The following FAM184A variants were observed in gnomAD, a reference collection of about 807,000 sequenced individuals.
FAM184A encodes the protein protein FAM184A.
FAM184A carries 99 observed loss-of-function variants against 143.8 expected under a neutral mutation model. The observed-to-expected ratio is 0.69, with a 90% CI of 0.58 to 0.81. The LOEUF (loss-of-function observed/expected upper bound fraction) is 0.81. FAM184A is among the 40% of genes least tolerant of loss of function. FAM184A has a pLI of 0.00. For missense variants in FAM184A, 1,217 were observed against 1,310.5 expected, an observed-to-expected ratio of 0.93 and a Z score of 1.10; for synonymous variants, 427 against 446.4, an observed-to-expected ratio of 0.96 and a Z score of 0.55.
chr6:119,148,123 C>A (rs1301654951), intron 1 of FAM184A, among the ~76,000 whole-genome samples: 2 of 152,096 alleles, frequency 1.3e-5, no homozygotes, highest in African/African-American at 4.8e-5. Context: ...AAACTCCATA[C>A]CTCAACTTCT....
At chr6:119,091,407 A>G (rs1788363473) in intron 1 of FAM184A, among the ~76,000 whole-genome samples, 3 of 152,156 alleles carry the variant, frequency 2.0e-5, no homozygotes, top group Non-Finnish European at 4.4e-5. Context: ...AATCCTAATC[A>G]TGCAGAGTAT....
chr6:119,084,254 A>G lies in FAM184A; in HGVS notation c.-201-59441T>C, dbSNP rs576934456. On this transcript the variant is annotated intron_variant, in intron 1 of 16. Coordinates refer to the FAM184A transcript ENST00000352896. The stretch of plus-strand genomic sequence containing the variant: ...CACATAGGGATTACAATTCAAGATG[A>G]GATTTGAGTGGGGACCCAGAGCCAA... Among the ~76,000 whole-genome samples the G allele has an allele frequency of 8.5e-5, 13 of 152,312 alleles. No homozygotes were observed. The South Asian group carries it at 2.7e-3, about 32-fold the overall frequency.
Position 119,131,534 on chromosome 6 carries a change from G to A in FAM184A, c.-202+17544C>T, listed in dbSNP as rs957493743. Among the ~76,000 whole-genome samples, 6 of 152,084 alleles carry A rather than the reference G, an allele frequency of 3.9e-5. No homozygotes were observed. The East Asian group carries it at 9.7e-4, about 25-fold the overall frequency. ...AGGGTCTTGCTCTATTGCCCAGGCT[G>A]GAATGCAGTGGTGTGATCACGGCTC... is the stretch of plus-strand genomic sequence containing the variant. On this transcript the variant is annotated intron_variant, in intron 1 of 16. Coordinates refer to the FAM184A transcript ENST00000352896.
chr6:118,997,459 G>A (rs1784607526), intron 9 of FAM184A, among the ~76,000 whole-genome samples: 2 of 152,146 alleles, frequency 1.3e-5, no homozygotes, highest in African/African-American at 4.8e-5. Context: ...GGAGGCCGAA[G>A]CAGGTGGATC....
intron 9 of FAM184A, among the ~76,000 whole-genome samples, chr6:118,997,324 C>CAAA (rs11345478): frequency 8.9e-6 from 1 of 111,928 alleles, no homozygotes; most frequent in Non-Finnish European, 1.8e-5. Context: ...AACTCCATCT[C>CAAA]AAAAAAAAAA....
intron 1 of FAM184A, among the ~76,000 whole-genome samples, chr6:119,120,151 C>T (rs9481884): frequency 0.072 from 10,923 of 152,274 alleles, 856 homozygotes; most frequent in Admixed American, 0.2. Context: ...AGAAACCCTG[C>T]ACCCATTTGC....
intron 1 of FAM184A, among the ~76,000 whole-genome samples, chr6:119,142,565 C>T (rs958317301): frequency 5.9e-5 from 9 of 152,132 alleles, no homozygotes; most frequent in Admixed American, 2.0e-4. Context: ...TTTAACATCG[C>T]GAGTCAAGCA....
At chr6:119,006,686 T>G (rs994790661) in intron 6 of FAM184A, 78 bp from the exon 7 acceptor site, 14 of 1,191,796 alleles carry the variant, frequency 1.2e-5, no homozygotes, top group African/African-American at 3.1e-5. Flanking sequence ...CTTCCTAAAG[T>G]TTTTTATTTA....
At chr6:119,100,575 G>A (rs1335484954) in intron 1 of FAM184A, among the ~76,000 whole-genome samples, 1 of 151,656 alleles carries the variant, frequency 6.6e-6, no homozygotes, top group Non-Finnish European at 1.5e-5. Context: ...ACATTAGCTA[G>A]TCAAACATTT....
chr6:118,970,008 A>ATATATATATATATATATATATATTT, intron 14 of FAM184A, among the ~76,000 whole-genome samples: 18 of 19,022 alleles, frequency 9.5e-4, no homozygotes, highest in Admixed American at 2.3e-3. Flanking sequence ...ATATATATAT[A>ATATATATATATATATATATATATTT]TTTTTTTTTT....
At chr6:119,039,386 G>A (rs984887672) in intron 1 of FAM184A, among the ~76,000 whole-genome samples, 2 of 152,178 alleles carry the variant, frequency 1.3e-5, no homozygotes, top group African/African-American at 2.4e-5. Flanking sequence ...AAAGTAAGGC[G>A]TCCTTCAGTA....
intron 3 of FAM184A, among the ~76,000 whole-genome samples, chr6:119,021,436 A>G (rs1785444314): frequency 6.6e-6 from 1 of 152,240 alleles, no homozygotes; most frequent in Non-Finnish European, 1.5e-5. Flanking sequence ...AATGAACCTT[A>G]GTAACAAGCC....
chr6:119,107,935 C>CAT (rs773603658), intron 1 of FAM184A, among the ~76,000 whole-genome samples: 1 of 152,182 alleles, frequency 6.6e-6, no homozygotes, highest in East Asian at 1.9e-4. Context: ...AAATTTAAGA[C>CAT]ATATTTATTA....
chr6:119,122,406 T>C (rs1004133920), intron 1 of FAM184A, among the ~76,000 whole-genome samples: 2 of 150,702 alleles, frequency 1.3e-5, no homozygotes, highest in African/African-American at 4.8e-5. Context: ...TTACAAAGGG[T>C]TGTAGCCAGC....
At chr6:119,049,920 C>A (rs1786684876) in intron 1 of FAM184A, among the ~76,000 whole-genome samples, 1 of 152,140 alleles carries the variant, frequency 6.6e-6, no homozygotes, top group South Asian at 2.1e-4. Flanking sequence ...GGAGAAAATT[C>A]TTGCAAACTA....
Position 119,007,313 on chromosome 6 carries a change from T to C in FAM184A, c.1654-705A>G, listed in dbSNP as rs73523365. Among the ~76,000 whole-genome samples, 981 of 152,300 alleles carry C rather than the reference T, an allele frequency of 6.4e-3. 13 individuals are homozygous for C. The highest frequency in any genetic ancestry group is 0.022 in the African/African-American group (909 of 41,560). ...CAAGCCTATGAAATTTCTACAAAAG[T>C]TGAAATTGGTAATTTAAAAATAATA... On this transcript the variant is annotated intron_variant, in intron 6 of 17. Coordinates refer to ENST00000338891, the MANE Select transcript of FAM184A (RefSeq NM_024581.6).
chr6:119,067,442 T>A (rs571300161), intron 1 of FAM184A, among the ~76,000 whole-genome samples: 61 of 152,358 alleles, frequency 4.0e-4, no homozygotes, highest in African/African-American at 1.4e-3. Context: ...TCTTTACTCA[T>A]GGACTCCCTA....
intron 1 of FAM184A, among the ~76,000 whole-genome samples, chr6:119,069,705 C>T (rs911709313): frequency 1.3e-5 from 2 of 152,096 alleles, no homozygotes; most frequent in African/African-American, 2.4e-5. Context: ...TAACAATGAT[C>T]TGGAGTTGAT....
rs532798867 is a variant in FAM184A at position 119,148,077 on chromosome 6, G to C, written c.-202+1001C>G. Among the ~76,000 whole-genome samples, 130 of 152,142 alleles carry C rather than the reference G, an allele frequency of 8.5e-4. 1 individual carries two copies. The highest frequency in any genetic ancestry group is 1.7e-3 in the Non-Finnish European group (117 of 68,022). On this transcript the variant is annotated intron_variant, in intron 1 of 16. Coordinates refer to the FAM184A transcript ENST00000352896. ...CCATGGAACCTATAACCTGCTTACT[G>C]TCAACCCACCCACCCTAGTTCCCTG...
Sources: gnomAD v4.1 joint callset for allele counts (sites outside exome capture counted in the v4.1 genomes callset) on GRCh38, gnomAD v4.1.1 for gene constraint, MANE v1.5 for transcripts, NCBI Gene and HGNC (gene_info 2026-07-23, HGNC 2026-07-21) for gene names.